Variants in THSD7B observed in about 807,000 individuals in gnomAD.
THSD7B encodes the protein thrombospondin type 1 domain containing 7B.
THSD7B carries 138 observed loss-of-function variants against 213.6 expected under a neutral mutation model. The ratio of observed to expected loss-of-function variants is 0.65; its 90% CI spans 0.56 to 0.74. THSD7B has a LOEUF of 0.74. Ranked by LOEUF, THSD7B falls within the 30% of genes least tolerant of loss-of-function variation. The probability of loss-of-function intolerance (pLI) is 0.00; values close to 1 mark genes in which losing one functional copy is unlikely to be tolerated. For synonymous variants in THSD7B, 742 were observed against 687.0 expected, an observed-to-expected ratio of 1.08 and a Z score of -1.25; for missense variants, 1,931 against 1,991.5, an observed-to-expected ratio of 0.97 and a Z score of 0.58.
At chr2:137,479,783 T>C (rs1289275445) in intron 15 of THSD7B, among the ~76,000 whole-genome samples, 6 of 152,140 alleles carry the variant, frequency 3.9e-5, no homozygotes, top group African/African-American at 1.2e-4. Flanking sequence ...TGGCAGTATG[T>C]AGTAGTCTGA....
intron 3 of THSD7B, among the ~76,000 whole-genome samples, chr2:137,072,798 G>C (rs1175890095): frequency 1.3e-5 from 2 of 152,186 alleles, no homozygotes; most frequent in Non-Finnish European, 2.9e-5. Flanking sequence ...AATTTATTGA[G>C]AGTTTTTAGC....
intron 2 of THSD7B, among the ~76,000 whole-genome samples, chr2:137,014,272 G>A (rs76569754): frequency 1.8e-4 from 27 of 152,256 alleles, no homozygotes; most frequent in African/African-American, 4.3e-4. Context: ...GCATTCACAC[G>A]TCTCTGCAAC....
chr2:136,975,562 A>G (rs1685467605), intron 2 of THSD7B, among the ~76,000 whole-genome samples: 1 of 152,184 alleles, frequency 6.6e-6, no homozygotes, highest in Non-Finnish European at 1.5e-5. Context: ...TTTTTGCATC[A>G]GTACCATGCT....
chr2:137,219,504 G>C (rs1455186615), intron 7 of THSD7B, among the ~76,000 whole-genome samples: 1 of 152,080 alleles, frequency 6.6e-6, no homozygotes, highest in East Asian at 1.9e-4. Flanking sequence ...TCAAGAAAAA[G>C]GCAAGCTCAT....
At chr2:137,184,863 T>C (rs1355274035) in intron 7 of THSD7B, among the ~76,000 whole-genome samples, 1 of 152,166 alleles carries the variant, frequency 6.6e-6, no homozygotes, top group East Asian at 1.9e-4. Flanking sequence ...GAAGTGATAA[T>C]AGGCATTTGG....
At chr2:137,176,436 C>T (rs960903834) in intron 7 of THSD7B, among the ~76,000 whole-genome samples, 6 of 152,040 alleles carry the variant, frequency 3.9e-5, no homozygotes, top group South Asian at 2.1e-4. Flanking sequence ...TATATAGGGA[C>T]GAGAATCTTA....
intron 17 of THSD7B, among the ~76,000 whole-genome samples, chr2:137,588,630 T>A (rs1436811092): frequency 1.3e-5 from 2 of 152,062 alleles, no homozygotes; most frequent in Non-Finnish European, 2.9e-5. Context: ...CACATAGATT[T>A]TTTTAGCTCA....
At chr2:137,003,897 CTT>C (rs1686050433) in intron 2 of THSD7B, among the ~76,000 whole-genome samples, 1 of 152,150 alleles carries the variant, frequency 6.6e-6, no homozygotes, top group Non-Finnish European at 1.5e-5. Context: ...ATTTATCAGA[CTT>C]TACCGCATTT....
intron 5 of THSD7B, among the ~76,000 whole-genome samples, chr2:137,140,342 T>C (rs1679556354): frequency 6.6e-6 from 1 of 152,168 alleles, no homozygotes. Flanking sequence ...ATGTTTTTCT[T>C]ATAACAAACG....
chr2:137,467,596 C>T (rs930501214), intron 15 of THSD7B, among the ~76,000 whole-genome samples: 1 of 152,114 alleles, frequency 6.6e-6, no homozygotes, highest in Non-Finnish European at 1.5e-5. Flanking sequence ...CCTATATACA[C>T]TTAATGTTAC....
intron 2 of THSD7B, among the ~76,000 whole-genome samples, chr2:137,049,389 A>G (rs147127105): frequency 0.011 from 1,713 of 152,368 alleles, 21 homozygotes; most frequent in Middle Eastern, 0.065. Context: ...AGAATAAGAT[A>G]GAACTGGAGA....
Position 137,450,991 on chromosome 2 carries a change from C to T in THSD7B, c.3106C>T (p.Arg1036Ter), listed in dbSNP as rs769920310. 27 of 1,605,510 alleles carry T rather than the reference C, an allele frequency of 1.7e-5. No individual in the cohort carries two copies. The highest frequency in any genetic ancestry group is 1.6e-4 in the Middle Eastern group (1 of 6,072). ...AAAAGAAAAACCTTACAATGGAGGACGACCATGTCCCAAACTGGATCTCAA... is the reference window on the plus strand; with the variant it reads ...AAAAGAAAAACCTTACAATGGAGGATGACCATGTCCCAAACTGGATCTCAA... ...WLKEKPYNGG[R>*]PCPKLDLKNQ... The change falls in exon 15 of 28, where the codon CGA becomes TGA. Residue 1036 changes from arginine (R) to a stop codon, truncating the protein, a stop_gained. Coordinates refer to ENST00000409968, the MANE Select transcript of THSD7B (RefSeq NM_001316349.2). LOFTEE classifies it high-confidence loss of function.
Position 136,941,012 on chromosome 2 carries a change from C to A in THSD7B, c.139+58695C>A, listed in dbSNP as rs184705566. Among the ~76,000 whole-genome samples, 176 of 152,064 alleles carry A rather than the reference C, an allele frequency of 1.2e-3. 1 individual carries two copies. Among genetic ancestry groups the A allele is most frequent in the African/African-American group, 4.1e-3 (170 of 41,460 alleles). ...TAATGCTATCCTTCCTCCAGCCCCC[C>A]ACCCCATGACAGGCCCCAGTGTGTG... On this transcript the variant is annotated intron_variant, in intron 2 of 27. Transcript: ENST00000409968.
intron 17 of THSD7B, among the ~76,000 whole-genome samples, chr2:137,596,066 G>C (rs190207638): frequency 5.3e-5 from 8 of 151,992 alleles, no homozygotes; most frequent in Admixed American, 5.3e-4. Context: ...TCTTATTGTA[G>C]GGTCAAAAAA....
chr2:136,794,639 T>G (rs1682028346), intron 1 of THSD7B, among the ~76,000 whole-genome samples: 1 of 151,990 alleles, frequency 6.6e-6, no homozygotes. Context: ...ATGTTTTATA[T>G]GCCCTTGAGA....
At chr2:137,461,840 C>T (rs1687892286) in intron 15 of THSD7B, among the ~76,000 whole-genome samples, 1 of 152,092 alleles carries the variant, frequency 6.6e-6, no homozygotes, top group Non-Finnish European at 1.5e-5. Flanking sequence ...GTGTTTCTAT[C>T]TCCTCATCAG....
chr2:136,947,665 C>A (rs186466372), intron 2 of THSD7B, among the ~76,000 whole-genome samples: 23 of 152,268 alleles, frequency 1.5e-4, no homozygotes, highest in Admixed American at 1.3e-4. Flanking sequence ...CCACAGGTGA[C>A]GGCACATGGG....
At chr2:137,453,465 G>A (rs568042898) in intron 15 of THSD7B, among the ~76,000 whole-genome samples, 1 of 150,754 alleles carries the variant, frequency 6.6e-6, no homozygotes, top group Admixed American at 6.6e-5. Context: ...ATGTAGCTGT[G>A]GCTACAGGCT....
intron 2 of THSD7B, among the ~76,000 whole-genome samples, chr2:136,980,200 T>G (rs1685550365): frequency 6.6e-6 from 1 of 152,188 alleles, no homozygotes; most frequent in South Asian, 2.1e-4. Flanking sequence ...GTAAGATGTC[T>G]GGAGACCCCT....
Sources: gnomAD v4.1 joint callset for allele counts (sites outside exome capture counted in the v4.1 genomes callset) on GRCh38, gnomAD v4.1.1 for gene constraint, MANE v1.5 for transcripts, NCBI Gene and HGNC (gene_info 2026-07-23, HGNC 2026-07-21) for gene names.